STAT4: variants seen among roughly 807,000 people sequenced by gnomAD.
The protein encoded by STAT4 is signal transducer and activator of transcription 4.
STAT4 carries 42 observed loss-of-function variants against 110.5 expected under a neutral mutation model. The ratio of observed to expected loss-of-function variants is 0.38; its 90% CI spans 0.30 to 0.49. The LOEUF (loss-of-function observed/expected upper bound fraction) is 0.49, where lower values mean the gene tolerates loss of function less well. STAT4 is among the 20% of genes least tolerant of loss of function. The pLI, the probability that STAT4 is intolerant of heterozygous loss-of-function variation, is 0.95. For synonymous variants in STAT4, 284 were observed against 302.2 expected (o/e 0.94, Z 0.63); for missense variants, 632 against 887.9 (o/e 0.71, Z 3.66).
chr2:191,073,013 T>C (rs932150160), intron 5 of STAT4, 85 bp downstream of exon 5: 1 of 1,071,364 alleles, frequency 9.3e-7, no homozygotes, highest in Non-Finnish European at 1.4e-6. Context: ...TCTGTATACA[T>C]TAACTTTGGG....
chr2:191,076,157 GATA>G (rs775928457), intron 4 of STAT4, 67 bp downstream of exon 4: 1 of 1,298,870 alleles, frequency 7.7e-7, no homozygotes. Flanking sequence ...CCCTACCAAA[GATA>G]ATAATTTCTG....
At position 191,038,991 on chromosome 2, in the gene STAT4, G is replaced by A. The variant is rs144530415; in HGVS notation, c.1434+208C>T. Among the ~76,000 whole-genome samples the A allele has an allele frequency of 1.1e-3, 171 of 152,236 alleles. 1 individual carries two copies. Among genetic ancestry groups the A allele is most frequent in the Middle Eastern group, 6.8e-3 (2 of 294 alleles). On this transcript the variant is annotated intron_variant, in intron 16 of 23. Coordinates refer to ENST00000392320, the MANE Select transcript of STAT4 (RefSeq NM_003151.4). ...GAAATAACAAATCCCTGTTACTTTTGCTAGCAGAATTCTCTCAGGGTCCAC... is the reference window on the plus strand; with the variant it reads ...GAAATAACAAATCCCTGTTACTTTTACTAGCAGAATTCTCTCAGGGTCCAC...
chr2:191,103,925 T>C (rs1698209782), intron 3 of STAT4, among the ~76,000 whole-genome samples: 1 of 152,202 alleles, frequency 6.6e-6, no homozygotes, highest in African/African-American at 2.4e-5. Context: ...CTAGCTTATC[T>C]ACATTTATCA....
chr2:191,151,404 G>A, upstream of STAT4: 1 of 985,606 alleles, frequency 1.0e-6, no homozygotes, highest in Non-Finnish European at 1.2e-6. The surrounding 1 kb of genome is among the most constrained non-coding windows in gnomAD (Gnocchi z 4.7). Flanking sequence ...ACCACCCCTG[G>A]GATGGAAGGG....
intron 13 of STAT4, 34 bp from the exon 14 acceptor site, chr2:191,054,568 A>G: frequency 3.1e-6 from 5 of 1,599,434 alleles, no homozygotes; most frequent in Non-Finnish European, 4.3e-6. Context: ...TTTAGATGGA[A>G]AAGCATTATC....
At chr2:191,103,944 G>T (rs931850426) in intron 3 of STAT4, among the ~76,000 whole-genome samples, 9 of 151,938 alleles carry the variant, frequency 5.9e-5, no homozygotes, top group African/African-American at 1.7e-4. Context: ...CATCACCCTG[G>T]TCTTTAAAAA....
chr2:191,054,087 C>T (rs926197284), intron 14 of STAT4, among the ~76,000 whole-genome samples: 11 of 147,324 alleles, frequency 7.5e-5, no homozygotes, highest in South Asian at 2.1e-4. Context: ...AAGATCTCAC[C>T]GCTGCACTCC....
At position 191,146,120 on chromosome 2, in the gene STAT4, G is replaced by C. The variant is rs1699452915; in HGVS notation, c.273+493C>G. 6.6e-6 allele frequency among the ~76,000 whole-genome samples: 1 copy of C among 152,168 alleles called. No homozygotes were observed. Among genetic ancestry groups the C allele is most frequent in the East Asian group, 1.9e-4 (1 of 5,202 alleles). ...AGTATCGATGTGTTCTGGTGCTGAG[G>C]AAACACACAGAGATGGGCTCTGCCT... On this transcript the variant is annotated intron_variant, in intron 3 of 23. Transcript: ENST00000392320. The surrounding 1 kb of genome is among the most constrained non-coding windows in gnomAD (Gnocchi z 4.5).
chr2:191,145,798 A>G (rs116005547), intron 3 of STAT4, among the ~76,000 whole-genome samples: 1,536 of 152,326 alleles, frequency 0.01, 23 homozygotes, highest in African/African-American at 0.035. Context: ...CTGTTATTTA[A>G]TACGTTGTAT....
chr2:191,060,689 G>T lies in STAT4; in HGVS notation c.1034+1040C>A, dbSNP rs1696824558. 6.6e-6 allele frequency among the ~76,000 whole-genome samples: 1 copy of T among 152,192 alleles called. No individual in the cohort carries two copies. The highest frequency in any genetic ancestry group is 1.5e-5 in the Non-Finnish European group (1 of 68,030). ...CTTCCTCAGGCTCCCAAAGTGCTGGGATTATAGGCGTGAGCCACCATGCCT... is the reference window on the plus strand; with the variant it reads ...CTTCCTCAGGCTCCCAAAGTGCTGGTATTATAGGCGTGAGCCACCATGCCT... On this transcript the variant is annotated intron_variant, in intron 10 of 23. Coordinates refer to ENST00000392320, the MANE Select transcript of STAT4 (RefSeq NM_003151.4). The surrounding 1 kb of genome is among the most constrained non-coding windows in gnomAD (Gnocchi z 4.5).
rs778115958 is a variant in STAT4 at position 191,107,583 on chromosome 2, T to C, written c.274-31258A>G. Among the ~76,000 whole-genome samples, 2 of 152,248 alleles carry C rather than the reference T, an allele frequency of 1.3e-5. No homozygotes were observed. Among genetic ancestry groups the C allele is most frequent in the African/African-American group, 2.4e-5 (1 of 41,460 alleles). On this transcript the variant is annotated intron_variant, in intron 3 of 23. Transcript: ENST00000392320. This position sits in a 1 kb window ranked among gnomAD's most constrained non-coding sequence, Gnocchi z 4.2. ...TGAGGCAGGGTTTTAACCCCAGGTA[T>C]CTGATCTGCAGACCCATGTACAGTT...
chr2:191,057,947 A>G lies in STAT4; in HGVS notation c.1206+71T>C, dbSNP rs192237214. 3.2e-6 allele frequency: 4 copies of G among 1,256,368 alleles called. No homozygotes were observed. In the South Asian group the frequency reaches 3.7e-5, roughly 12 times the overall value. The allele number at this position is 1,256,368 out of a possible 1,614,324, so 77.8% of individuals were successfully genotyped here. ...ATTTAAGCACAAAACATACTGAATT[A>G]TAAGGCGTATTAGTAAAGATGTCTG... On this transcript the variant is annotated intron_variant, in intron 13 of 23. Coordinates refer to ENST00000392320, the MANE Select transcript of STAT4 (RefSeq NM_003151.4).
intron 13 of STAT4, among the ~76,000 whole-genome samples, chr2:191,055,628 C>T (rs1199002164): frequency 6.6e-6 from 1 of 152,176 alleles, no homozygotes; most frequent in Non-Finnish European, 1.5e-5. Flanking sequence ...GTTGGGATTA[C>T]AGGCGTGAGC....
At chr2:191,095,654 T>C (rs1257296375) in intron 3 of STAT4, among the ~76,000 whole-genome samples, 1 of 152,026 alleles carries the variant, frequency 6.6e-6, no homozygotes, top group Non-Finnish European at 1.5e-5. Context: ...GCTCACAAGA[T>C]AAAGCAGGAA....
Position 191,144,589 on chromosome 2 carries a change from TGG to T in STAT4, c.273+2022_273+2023del, listed in dbSNP as rs946217435. Among the ~76,000 whole-genome samples, 1 of 125,234 alleles carries T rather than the reference TGG, an allele frequency of 8.0e-6. No individual in the cohort carries two copies. Among genetic ancestry groups the T allele is most frequent in the African/African-American group, 3.1e-5 (1 of 32,702 alleles). 82.2% of individuals were successfully genotyped at this position (125,234 alleles called of 152,430 possible). ...GTTTGTGCTCGAGCTGAAGCGTGAC[TGG>T]GGGTAACTGCAGGTTTTTGAGCAGT... On this transcript the variant is annotated intron_variant, in intron 3 of 23. Coordinates refer to ENST00000392320, the MANE Select transcript of STAT4 (RefSeq NM_003151.4). This position sits in a 1 kb window ranked among gnomAD's most constrained non-coding sequence, Gnocchi z 4.7.
At chr2:191,121,908 C>T (rs1698745525) in intron 3 of STAT4, 2 of 152,018 alleles carry the variant, frequency 1.3e-5, no homozygotes, top group Non-Finnish European at 2.9e-5. Flanking sequence ...GCACATGTAC[C>T]CTAGAACTTA....
intron 3 of STAT4, among the ~76,000 whole-genome samples, chr2:191,139,710 A>G (rs186692119): frequency 7.2e-5 from 11 of 152,326 alleles, no homozygotes; most frequent in Middle Eastern, 3.4e-3. Context: ...TGCAATTTCC[A>G]TCAAAATACC....
rs972961303 is a variant in STAT4, at chr2:191,142,042, C to T, written c.273+4571G>A. Among the ~76,000 whole-genome samples, 2 of 152,044 alleles carry T rather than the reference C, an allele frequency of 1.3e-5. No individual in the cohort carries two copies. The highest frequency in any genetic ancestry group is 6.6e-5 in the Admixed American group (1 of 15,262). On this transcript the variant is annotated intron_variant, in intron 3 of 23. Coordinates refer to ENST00000392320, the MANE Select transcript of STAT4 (RefSeq NM_003151.4). This position sits in a 1 kb window ranked among gnomAD's most constrained non-coding sequence, Gnocchi z 4.1. ...TCTCAAAAAACTAAAAATATAACTA[C>T]TATAGGCTCCAGCAATCCCACTACT...
intron 3 of STAT4, among the ~76,000 whole-genome samples, chr2:191,097,036 T>C (rs1698006964): frequency 6.6e-6 from 1 of 151,954 alleles, no homozygotes; most frequent in African/African-American, 2.4e-5. Flanking sequence ...ACAAAGAGAA[T>C]AAAATATCTA....
Sources: gnomAD v4.1 joint callset for allele counts (sites outside exome capture counted in the v4.1 genomes callset) on GRCh38, gnomAD v4.1.1 for gene constraint, Gnocchi (gnomAD v3.1) non-coding constraint, MANE v1.5 for transcripts, NCBI Gene and HGNC (gene_info 2026-07-23, HGNC 2026-07-21) for gene names.